Variants in FBXL17 observed in about 807,000 individuals in gnomAD.
The protein encoded by FBXL17 is F-box and leucine rich repeat protein 17.
In FBXL17, 22 loss-of-function variants were observed where a neutral mutation model predicts 66.2. The observed-to-expected ratio is 0.33, with a 90% CI of 0.24 to 0.47. The LOEUF is 0.47. FBXL17 is among the 20% of genes least tolerant of loss of function. The pLI is 1.00. For missense variants in FBXL17, 878 were observed against 948.2 expected, an observed-to-expected ratio of 0.93 and a Z score of 0.97; for synonymous variants, 474 against 400.5, an observed-to-expected ratio of 1.18 and a Z score of -2.19.
chr5:107,902,976 T>C (rs2112534928), intron 7 of FBXL17, among the ~76,000 whole-genome samples: 1 of 152,302 alleles, frequency 6.6e-6, no homozygotes, highest in South Asian at 2.1e-4. Context: ...ATAGAAATTT[T>C]GTGTTTTGTC....
At chr5:107,902,484 T>TG (rs1235334103) in intron 7 of FBXL17, among the ~76,000 whole-genome samples, 1 of 152,200 alleles carries the variant, frequency 6.6e-6, no homozygotes, top group African/African-American at 2.4e-5. Context: ...GCAGTTGCCA[T>TG]GTGTTATTAT....
At chr5:107,887,893 CAA>C (rs1211405747) in intron 7 of FBXL17, among the ~76,000 whole-genome samples, 4 of 152,246 alleles carry the variant, frequency 2.6e-5, no homozygotes, top group South Asian at 4.1e-4. Flanking sequence ...ACAGCTTGGG[CAA>C]AGTCAGTCAA....
intron 6 of FBXL17, among the ~76,000 whole-genome samples, chr5:108,043,940 T>C (rs1188710811): frequency 6.6e-6 from 1 of 152,216 alleles, no homozygotes; most frequent in African/African-American, 2.4e-5. Flanking sequence ...TTTACTTCTT[T>C]ATTTTTTAAA....
intron 6 of FBXL17, among the ~76,000 whole-genome samples, chr5:108,027,436 TA>T (rs1370578256): frequency 6.6e-6 from 1 of 152,140 alleles, no homozygotes; most frequent in East Asian, 1.9e-4. Flanking sequence ...AAACCTTACA[TA>T]ACAAGTTAAC....
intron 6 of FBXL17, among the ~76,000 whole-genome samples, chr5:108,102,077 G>A (rs917778991): frequency 1.3e-5 from 2 of 152,106 alleles, no homozygotes; most frequent in African/African-American, 4.8e-5. Flanking sequence ...CGTTTCGGCA[G>A]CTTGTACTCT....
Position 108,198,987 on chromosome 5 carries a change from T to C in FBXL17, c.1615-12740A>G, listed in dbSNP as rs1453398821. Among the ~76,000 whole-genome samples the C allele has an allele frequency of 2.0e-5, 3 of 152,148 alleles. No individual in the cohort carries two copies. The South Asian group carries it at 6.2e-4, about 31-fold the overall frequency. Reference sequence around the variant, plus strand: ...AAATTTATAACTTTGATTTATATAATAAAGCACTACTTTCTGAAACAAAGA... The same window carrying C: ...AAATTTATAACTTTGATTTATATAACAAAGCACTACTTTCTGAAACAAAGA... On this transcript the variant is annotated intron_variant, in intron 5 of 8. Transcript: ENST00000542267.
intron 5 of FBXL17, among the ~76,000 whole-genome samples, chr5:108,213,348 A>G (rs1367113993): frequency 6.6e-6 from 1 of 152,168 alleles, no homozygotes; most frequent in African/African-American, 2.4e-5. Context: ...CATGGAAAAA[A>G]AGAACTCCTG....
rs983318234 is a variant in FBXL17, at chr5:108,297,765, A to C, written c.1506+50634T>G. 4.3e-6 allele frequency: 3 copies of C among 701,904 alleles called. No homozygotes were observed. In the African/African-American group the frequency reaches 5.8e-5, roughly 14 times the overall value. The allele number at this position is 701,904 out of a possible 1,614,324, so 43.5% of individuals were successfully genotyped here. A position where few individuals can be genotyped will look rare whatever the true frequency, so the allele number is the denominator to read the frequency against. ...TTCAAAAAAAGTTTATTCATAACAA[A>C]TTAAGAAATAATTTTAAGTCATTTA... On this transcript the variant is annotated intron_variant, in intron 4 of 8. Transcript: ENST00000542267.
At chr5:108,322,978 AG>A (rs1208862324) in intron 4 of FBXL17, among the ~76,000 whole-genome samples, 1 of 152,000 alleles carries the variant, frequency 6.6e-6, no homozygotes, top group Non-Finnish European at 1.5e-5. Flanking sequence ...ACTGACAGAA[AG>A]GTCCCACAGC....
intron 1 of FBXL17, among the ~76,000 whole-genome samples, chr5:108,375,838 T>A (rs757073375): frequency 4.6e-5 from 7 of 152,092 alleles, no homozygotes; most frequent in Non-Finnish European, 8.8e-5. Context: ...CAGACCAATG[T>A]CCCTTATGAA....
At chr5:107,962,296 G>T (rs893832367) in intron 7 of FBXL17, among the ~76,000 whole-genome samples, 2 of 152,070 alleles carry the variant, frequency 1.3e-5, no homozygotes, top group African/African-American at 4.8e-5. Context: ...ATAATTTGTA[G>T]TATAAAAATT....
chr5:107,963,864 A>G (rs1314375389), intron 7 of FBXL17, among the ~76,000 whole-genome samples: 3 of 152,180 alleles, frequency 2.0e-5, no homozygotes, highest in Non-Finnish European at 4.4e-5. Context: ...ATAAAACAGA[A>G]ACTAAAAATT....
chr5:108,184,343 A>G (rs1380349892), intron 6 of FBXL17, among the ~76,000 whole-genome samples: 2 of 151,888 alleles, frequency 1.3e-5, no homozygotes, highest in Admixed American at 6.6e-5. Context: ...GTCTTGCTCT[A>G]TCACCCAGGC....
intron 6 of FBXL17, among the ~76,000 whole-genome samples, chr5:108,070,976 A>G (rs1191276822): frequency 6.6e-6 from 1 of 152,234 alleles, no homozygotes; most frequent in East Asian, 1.9e-4. Flanking sequence ...AGCAGATAAG[A>G]CATTGCCATA....
chr5:108,265,779 T>C (rs563163743), intron 4 of FBXL17, among the ~76,000 whole-genome samples: 10 of 152,318 alleles, frequency 6.6e-5, no homozygotes, highest in African/African-American at 2.4e-5. Context: ...GCAAGCAAAC[T>C]ATAGCTTGTT....
intron 6 of FBXL17, among the ~76,000 whole-genome samples, chr5:108,154,662 CATATATATGTGTAT>C (rs1751918431): frequency 7.6e-6 from 1 of 130,800 alleles, no homozygotes; most frequent in African/African-American, 2.9e-5. Context: ...TATGTATATA[CATATATATGTGTAT>C]ATATATACAC....
intron 4 of FBXL17, among the ~76,000 whole-genome samples, chr5:108,332,941 C>CAAAAAAAAAAAAAAAAA (rs34218940): frequency 2.9e-5 from 1 of 34,764 alleles, no homozygotes; most frequent in Non-Finnish European, 4.6e-5. Flanking sequence ...AAAGCAAAAG[C>CAAAAAAAAAAAAAAAAA]AAAAAAAAAA....
intron 6 of FBXL17, among the ~76,000 whole-genome samples, chr5:108,128,170 T>C (rs1231159457): frequency 6.6e-6 from 1 of 151,494 alleles, no homozygotes; most frequent in Non-Finnish European, 1.5e-5. Flanking sequence ...AGCTTGAACA[T>C]GCGAGGCAGA....
intron 7 of FBXL17, among the ~76,000 whole-genome samples, chr5:107,894,411 G>A (rs1483197909): frequency 6.6e-6 from 1 of 152,150 alleles, no homozygotes; most frequent in Non-Finnish European, 1.5e-5. Flanking sequence ...TTAAAGTGAG[G>A]CAAAGATGGG....
Sources: allele counts gnomAD v4.1 joint callset (sites outside exome capture counted in the v4.1 genomes callset), GRCh38; gene constraint gnomAD v4.1.1; transcripts MANE v1.5; gene names NCBI Gene and HGNC (gene_info 2026-07-23, HGNC 2026-07-21).